Variants in GRID2 observed in about 807,000 individuals in gnomAD.
GRID2 encodes the protein glutamate ionotropic receptor delta type subunit 2.
GRID2 carries 33 observed loss-of-function variants against 114.8 expected under a neutral mutation model. The ratio of observed to expected loss-of-function variants is 0.29; its 90% confidence interval spans 0.22 to 0.38. The LOEUF (loss-of-function observed/expected upper bound fraction) is 0.38. Among genes scored for constraint, GRID2 ranks in the 10% least tolerant of loss-of-function variants. The pLI is 1.00. For synonymous variants in GRID2, 505 were observed against 449.9 expected (o/e 1.12, Z -1.55); for missense variants, 1,184 against 1,257.7 (o/e 0.94, Z 0.89).
intron 2 of GRID2, among the ~76,000 whole-genome samples, chr4:92,785,676 T>G (rs1301875887): frequency 6.6e-6 from 1 of 151,774 alleles, no homozygotes; most frequent in Non-Finnish European, 1.5e-5. Context: ...TCATTTTCAG[T>G]ATGTGTGTAG....
chr4:93,058,953 G>A (rs569050717), intron 2 of GRID2, among the ~76,000 whole-genome samples: 4 of 151,998 alleles, frequency 2.6e-5, no homozygotes, highest in African/African-American at 7.2e-5. Flanking sequence ...CAAAACAGGT[G>A]TGTATTCAAT....
Position 92,615,761 on chromosome 4 carries a change from T to A in GRID2, c.244+25475T>A, listed in dbSNP as rs1397582220. Among the ~76,000 whole-genome samples, 4 of 151,604 alleles carry A rather than the reference T, an allele frequency of 2.6e-5. No homozygotes were observed. In the East Asian group the frequency reaches 7.8e-4, roughly 29 times the overall value. ...GTGTCATTTTAATTCCTTATTAGTT[T>A]TTGTACTATATATTTATGAATTATT... On this transcript the variant is annotated intron_variant, in intron 2 of 15. Coordinates refer to ENST00000282020, the MANE Select transcript of GRID2 (RefSeq NM_001510.4).
chr4:92,746,675 G>A (rs1737163607), intron 2 of GRID2, among the ~76,000 whole-genome samples: 1 of 152,096 alleles, frequency 6.6e-6, no homozygotes, highest in Non-Finnish European at 1.5e-5. Context: ...TGGTATGCAT[G>A]CTGGGATTCT....
chr4:92,637,429 T>A (rs1288530323), intron 2 of GRID2, among the ~76,000 whole-genome samples: 1 of 152,062 alleles, frequency 6.6e-6, no homozygotes, highest in African/African-American at 2.4e-5. Flanking sequence ...CAATGCTTGG[T>A]CTTCTTCTAA....
At chr4:93,510,989 T>C (rs900383035) in intron 12 of GRID2, among the ~76,000 whole-genome samples, 10 of 152,126 alleles carry the variant, frequency 6.6e-5, no homozygotes, top group Non-Finnish European at 1.0e-4. Flanking sequence ...AAAACTGGAG[T>C]GCGGTGGCAC....
At chr4:92,780,982 G>A (rs1739047206) in intron 2 of GRID2, among the ~76,000 whole-genome samples, 1 of 151,822 alleles carries the variant, frequency 6.6e-6, no homozygotes, top group Non-Finnish European at 1.5e-5. Flanking sequence ...AAAAAATTTT[G>A]CCATGGGTAA....
At chr4:92,940,132 A>G (rs1750993383) in intron 2 of GRID2, among the ~76,000 whole-genome samples, 1 of 147,200 alleles carries the variant, frequency 6.8e-6, no homozygotes, top group South Asian at 2.3e-4. Flanking sequence ...TGGGGATGGC[A>G]TTGAAACTAT....
chr4:92,816,161 C>T (rs1310685333), intron 2 of GRID2, among the ~76,000 whole-genome samples: 1 of 150,378 alleles, frequency 6.6e-6, no homozygotes, highest in Non-Finnish European at 1.5e-5. Context: ...ACCAAAAATA[C>T]AAAATTAGCC....
At chr4:92,711,762 G>T (rs1387639289) in intron 2 of GRID2, among the ~76,000 whole-genome samples, 1 of 152,048 alleles carries the variant, frequency 6.6e-6, no homozygotes, top group African/African-American at 2.4e-5. Context: ...AATTAGCCAG[G>T]CCTGGTGGCA....
chr4:93,576,431 CT>C (rs1736425924), intron 13 of GRID2, among the ~76,000 whole-genome samples: 1 of 152,144 alleles, frequency 6.6e-6, no homozygotes, highest in South Asian at 2.1e-4. Context: ...CCACAAAATG[CT>C]ACTTTTTGGG....
At chr4:92,741,084 A>C (rs1457611664) in intron 2 of GRID2, among the ~76,000 whole-genome samples, 2 of 152,106 alleles carry the variant, frequency 1.3e-5, no homozygotes, top group East Asian at 3.9e-4. Flanking sequence ...TTTCAGTCTT[A>C]TACAGGAGTT....
intron 2 of GRID2, among the ~76,000 whole-genome samples, chr4:92,958,469 A>G (rs1752576739): frequency 6.6e-6 from 1 of 152,090 alleles, no homozygotes; most frequent in Non-Finnish European, 1.5e-5. Context: ...GATGGACCAT[A>G]TTAATTGATT....
At chr4:92,439,528 C>G (rs10199903) in intron 1 of GRID2, among the ~76,000 whole-genome samples, 1 of 151,654 alleles carries the variant, frequency 6.6e-6, no homozygotes, top group South Asian at 2.1e-4. Flanking sequence ...CTGCTTCAAG[C>G]GGGATTAGGG....
At chr4:93,415,775 C>T (rs1767641873) in intron 9 of GRID2, among the ~76,000 whole-genome samples, 1 of 151,838 alleles carries the variant, frequency 6.6e-6, no homozygotes, top group Non-Finnish European at 1.5e-5. Context: ...AATCATCTTG[C>T]ATAATAATAG....
chr4:93,369,480 C>T (rs189801348), intron 8 of GRID2, among the ~76,000 whole-genome samples: 44 of 152,214 alleles, frequency 2.9e-4, no homozygotes, highest in African/African-American at 9.9e-4. Context: ...TTCTAACAAG[C>T]AGCTTAAAAT....
intron 2 of GRID2, among the ~76,000 whole-genome samples, chr4:92,804,606 G>A (rs1010661971): frequency 6.6e-6 from 1 of 151,930 alleles, no homozygotes; most frequent in Non-Finnish European, 1.5e-5. Context: ...GTAAGAAATT[G>A]TTTTCTTGAT....
At chr4:93,652,670 G>A (rs1241810160) in intron 14 of GRID2, among the ~76,000 whole-genome samples, 2 of 150,814 alleles carry the variant, frequency 1.3e-5, no homozygotes, top group African/African-American at 2.4e-5. Context: ...CATCCTTGTC[G>A]TTAAGCAGCA....
intron 2 of GRID2, among the ~76,000 whole-genome samples, chr4:93,083,719 T>G: frequency 7.6e-6 from 1 of 131,462 alleles, no homozygotes; most frequent in African/African-American, 2.9e-5. Flanking sequence ...AAAAAAAAAA[T>G]ACATCCTTGA....
chr4:92,511,266 C>T (rs977201038), intron 1 of GRID2, among the ~76,000 whole-genome samples: 1 of 151,520 alleles, frequency 6.6e-6, no homozygotes, highest in Admixed American at 6.6e-5. Flanking sequence ...AGGTTCTAAG[C>T]CCACTTTAAC....
Sources: gnomAD v4.1 joint callset for allele counts (sites outside exome capture counted in the v4.1 genomes callset) on GRCh38, gnomAD v4.1.1 for gene constraint, MANE v1.5 for transcripts, NCBI Gene and HGNC (gene_info 2026-07-23, HGNC 2026-07-21) for gene names.